The following TEKT3 variants were observed in gnomAD, a reference collection of about 807,000 sequenced individuals.
The protein encoded by TEKT3 is tektin 3, also known as tektin-3.
In TEKT3, 49 loss-of-function variants were observed where a neutral mutation model predicts 49.8. That is an observed-to-expected ratio of 0.98 (90% CI 0.78 to 1.25). TEKT3 has a LOEUF of 1.25. Ranked by LOEUF, TEKT3 falls within the 50% of genes most tolerant of loss-of-function variation. The pLI is 0.00. For missense variants in TEKT3, 595 were observed against 629.5 expected (o/e 0.95, Z 0.59); for synonymous variants, 225 against 237.2 (o/e 0.95, Z 0.47).
At chr17:15,325,092 T>A (rs1911435156) in intron 4 of TEKT3, among the ~76,000 whole-genome samples, 1 of 152,250 alleles carries the variant, frequency 6.6e-6, no homozygotes, top group African/African-American at 2.4e-5. Context: ...ATGGTTTATT[T>A]CTCAACTCTC....
At chr17:15,326,178 G>GC (rs1424398750) in intron 4 of TEKT3, among the ~76,000 whole-genome samples, 12 of 152,170 alleles carry the variant, frequency 7.9e-5, no homozygotes, top group African/African-American at 2.4e-4. Flanking sequence ...GCCGTGTGGG[G>GC]ATAAAACTAC....
intron 7 of TEKT3, among the ~76,000 whole-genome samples, chr17:15,311,757 G>A (rs1910780864): frequency 6.6e-6 from 1 of 152,186 alleles, no homozygotes; most frequent in Non-Finnish European, 1.5e-5. Context: ...TGAAACATAT[G>A]AATTCTGCTG....
chr17:15,320,655 A>C (rs568740121), intron 4 of TEKT3, among the ~76,000 whole-genome samples: 12 of 152,338 alleles, frequency 7.9e-5, no homozygotes, highest in African/African-American at 2.6e-4. Context: ...TGGTATCTGA[A>C]TTAATGGAAT....
At chr17:15,337,441 A>G (rs1912029382) in intron 2 of TEKT3, among the ~76,000 whole-genome samples, 1 of 152,254 alleles carries the variant, frequency 6.6e-6, no homozygotes, top group Non-Finnish European at 1.5e-5. Flanking sequence ...TAATTAAACA[A>G]TCCAATTAAA....
intron 5 of TEKT3, among the ~76,000 whole-genome samples, chr17:15,317,912 A>C (rs1437797193): frequency 6.6e-6 from 1 of 151,850 alleles, no homozygotes; most frequent in Non-Finnish European, 1.5e-5. Context: ...GGATGGGTTA[A>C]CAGTTACAAT....
Position 15,314,215 on chromosome 17 carries a change from G to A in TEKT3, c.750C>T (p.Ser250=). The change falls in exon 6 of 9, where the codon TCC becomes TCT. Residue 250 remains serine, a synonymous_variant. Transcript: ENST00000395930. The part of the protein sequence containing the change: ...AIAQLAANRA[S]QHELEKDLSD... Reference sequence around the variant, plus strand: ...TCAGGTCCTTTTCCAGCTCATGCTGGGACGCTCTGTTGGCTCTGCAATACA... The same window carrying A: ...TCAGGTCCTTTTCCAGCTCATGCTGAGACGCTCTGTTGGCTCTGCAATACA... 6.2e-7 allele frequency: 1 copy of A among 1,614,136 alleles called. No homozygotes were observed. Among genetic ancestry groups the A allele is most frequent in the Non-Finnish European group, 8.5e-7 (1 of 1,180,032 alleles).
rs532146181 is a variant in TEKT3 at position 15,334,054 on chromosome 17, C to T, written c.-29-2440G>A. 9.6e-4 allele frequency among the ~76,000 whole-genome samples: 145 copies of T among 151,622 alleles called. 1 individual carries two copies. Among genetic ancestry groups the T allele is most frequent in the African/African-American group, 2.6e-3 (109 of 41,316 alleles). ...CTGGGATTACAGGTGTGAGCCACCACGCCCAGCTGGTTTATTTTATTTTCA... is the reference window on the plus strand; with the variant it reads ...CTGGGATTACAGGTGTGAGCCACCATGCCCAGCTGGTTTATTTTATTTTCA... On this transcript the variant is annotated intron_variant, in intron 2 of 8. Transcript: ENST00000395930.
At chr17:15,332,261 T>C (rs530200414) in intron 2 of TEKT3, among the ~76,000 whole-genome samples, 1 of 152,254 alleles carries the variant, frequency 6.6e-6, no homozygotes, top group South Asian at 2.1e-4. Flanking sequence ...AGACTTAGCC[T>C]CTTATATCTA....
chr17:15,306,067 C>T (rs1910532523), intron 8 of TEKT3, among the ~76,000 whole-genome samples: 1 of 145,844 alleles, frequency 6.9e-6, no homozygotes, highest in Non-Finnish European at 1.5e-5. Context: ...ACAAATAAAG[C>T]TACCACAGTT....
At chr17:15,318,342 G>A (rs1402236342) in intron 5 of TEKT3, among the ~76,000 whole-genome samples, 3 of 151,972 alleles carry the variant, frequency 2.0e-5, no homozygotes, top group South Asian at 2.1e-4. Context: ...TCAAGTAAAC[G>A]ACCACTCATT....
chr17:15,305,200 G>C (rs1910493611), intron 8 of TEKT3, among the ~76,000 whole-genome samples: 1 of 152,204 alleles, frequency 6.6e-6, no homozygotes, highest in Non-Finnish European at 1.5e-5. Context: ...GCAGGACGGA[G>C]CCTGGAGCAT....
Position 15,319,069 on chromosome 17 carries a change from G to T in TEKT3, c.734+8C>A, listed in dbSNP as rs369103733. On this transcript the variant is annotated splice_region_variant and intron_variant, in intron 5 of 8. Coordinates refer to ENST00000395930, the MANE Select transcript of TEKT3 (RefSeq NM_031898.3). ...ATTTTGAATTGTATAGAGACATAAA[G>T]CTCTTACGCAAGTTGGGCAATAGCC... 4 of 1,607,230 alleles carry T rather than the reference G, an allele frequency of 2.5e-6. No homozygotes were observed. In the African/African-American group the frequency reaches 5.4e-5, roughly 22 times the overall value.
Position 15,328,077 on chromosome 17 carries a change from T to TAC in TEKT3, c.580-4_580-3dup, listed in dbSNP as rs1300167202. 2.0e-5 allele frequency: 33 copies of TAC among 1,612,428 alleles called. No homozygotes were observed. The highest frequency in any genetic ancestry group is 2.6e-5 in the Non-Finnish European group (31 of 1,178,672). ...ATGAAATAGACATTCTCGGGCTACC[T>TAC]ACAGATACACAGATAATGGAAAGCA... On this transcript the variant is annotated splice_polypyrimidine_tract_variant and splice_region_variant and intron_variant, in intron 3 of 8. Coordinates refer to ENST00000395930, the MANE Select transcript of TEKT3 (RefSeq NM_031898.3).
rs771121953 is a variant in TEKT3, at chr17:15,308,748, G to A, written c.1172C>T (p.Ala391Val). Residue 391 changes from alanine to valine, a missense_variant, in exon 8 of 9, where the codon GCC becomes GTC. Coordinates refer to ENST00000395930, the MANE Select transcript of TEKT3 (RefSeq NM_031898.3). ...SIKKAIKDKTAFLKVAQTRLD... is the reference protein window; with the variant it reads ...SIKKAIKDKTVFLKVAQTRLD... ...TCTGGTCTGAGCCACCTTCAGGAAGGCAGTCTTGTCCTTGATGGCCTTCTT... is the reference window on the plus strand; with the variant it reads ...TCTGGTCTGAGCCACCTTCAGGAAGACAGTCTTGTCCTTGATGGCCTTCTT... 7 of 1,613,888 alleles carry A rather than the reference G, an allele frequency of 4.3e-6. No homozygotes were observed. In the African/African-American group the frequency reaches 6.7e-5, roughly 15 times the overall value.
chr17:15,333,107 C>A (rs1911837217), intron 2 of TEKT3, among the ~76,000 whole-genome samples: 1 of 151,684 alleles, frequency 6.6e-6, no homozygotes, highest in Non-Finnish European at 1.5e-5. Flanking sequence ...TTTACCAGTT[C>A]CATTGTCTGA....
intron 4 of TEKT3, among the ~76,000 whole-genome samples, chr17:15,322,299 A>G (rs58893387): frequency 0.062 from 9,402 of 152,296 alleles, 624 homozygotes; most frequent in African/African-American, 0.17. Flanking sequence ...TGTCTTTGCT[A>G]CTTGCTAAAC....
intron 6 of TEKT3, 33 bp downstream of exon 6, chr17:15,314,054 C>T (rs777114780): frequency 3.1e-6 from 5 of 1,613,810 alleles, no homozygotes; most frequent in South Asian, 2.2e-5. Context: ...TAAATGACAT[C>T]GAAATCACAG....
At chr17:15,341,791 C>T (rs1338735778), upstream of TEKT3, 1 of 152,332 alleles carries the variant, frequency 6.6e-6, no homozygotes, top group African/African-American at 2.4e-5. Context: ...GCTTAGTAAC[C>T]GAGGCTCCCC....
chr17:15,323,228 A>C (rs1447328487), intron 4 of TEKT3, among the ~76,000 whole-genome samples: 1 of 152,224 alleles, frequency 6.6e-6, no homozygotes. Context: ...CATTGGTTGC[A>C]TTCTCAACAA....
Sources: gnomAD v4.1 joint callset for allele counts (sites outside exome capture counted in the v4.1 genomes callset) on GRCh38, gnomAD v4.1.1 for gene constraint, MANE v1.5 for transcripts, NCBI Gene and HGNC (gene_info 2026-07-23, HGNC 2026-07-21) for gene names.